The following FERMT3 variants were observed in gnomAD, a reference collection of about 807,000 sequenced individuals.
FERMT3 encodes fermitin family homolog 3.
A neutral mutation model predicts 80.8 loss-of-function variants in FERMT3; 33 were observed. That is an observed-to-expected ratio of 0.41 (90% CI 0.31 to 0.55). FERMT3 has a LOEUF of 0.55. Among genes scored for constraint, FERMT3 ranks in the 20% least tolerant of loss-of-function variants. The pLI is 0.31. For missense variants in FERMT3, 754 were observed against 908.7 expected (o/e 0.83, Z 2.19); for synonymous variants, 375 against 372.2 (o/e 1.01, Z -0.09).
At chr11:64,216,266 G>A (rs1233477215) in intron 6 of FERMT3, among the ~76,000 whole-genome samples, 3 of 147,748 alleles carry the variant, frequency 2.0e-5, no homozygotes, top group Non-Finnish European at 4.5e-5. Context: ...GCAAGATCTC[G>A]GCTCACTGCA....
chr11:64,211,328 C>A lies in FERMT3; in HGVS notation c.568C>A (p.Gln190Lys). ...GMPAHFSDSAQTEACYHMLSR... is the reference protein window; with the variant it reads ...GMPAHFSDSAKTEACYHMLSR... ...GCCAGCTCACTTCTCGGACAGCGCC[C>A]AGACTGAGGCCTGCTACCACATGCT... Residue 190 changes from glutamine (Q) to lysine (K), a missense_variant, in exon 5 of 15, where the codon CAG becomes AAG. Gln to Lys is a moderately conservative substitution (Grantham distance 53). Coordinates refer to ENST00000345728, the MANE Select transcript of FERMT3 (RefSeq NM_031471.6). This position sits in a 1 kb window ranked among gnomAD's most constrained non-coding sequence, Gnocchi z 4.7. The A allele has an allele frequency of 1.2e-6, 2 of 1,613,258 alleles. No individual in the cohort carries two copies. Among genetic ancestry groups the A allele is most frequent in the Non-Finnish European group, 1.7e-6 (2 of 1,179,846 alleles).
chr11:64,208,578 G>T (rs1470472851), intron 2 of FERMT3, among the ~76,000 whole-genome samples: 1 of 152,240 alleles, frequency 6.6e-6, no homozygotes, highest in South Asian at 2.1e-4. Context: ...AGCAGCAGCG[G>T]GTGAGACTGA....
rs376021574 is a variant in FERMT3 at position 64,211,602 on chromosome 11, C to T, written c.684-43C>T. The T allele has an allele frequency of 2.0e-4, 318 of 1,601,652 alleles. 3 individuals are homozygous for T. The South Asian group carries it at 2.1e-3, about 11-fold the overall frequency. On this transcript the variant is annotated intron_variant, in intron 5 of 14. Coordinates refer to ENST00000345728, the MANE Select transcript of FERMT3 (RefSeq NM_031471.6). This position sits in a 1 kb window ranked among gnomAD's most constrained non-coding sequence, Gnocchi z 4.7. ...CCAGCCCCCCTCCCCACCCCACGGC[C>T]GTACCTGGCGCAGCCCTGACTGCTG...
In FERMT3 at chr11:64,219,969, C is replaced by A; in HGVS notation, c.1158C>A (p.Ser386Arg). 1 of 1,613,850 alleles carries A rather than the reference C, an allele frequency of 6.2e-7. No homozygotes were observed. Among genetic ancestry groups the A allele is most frequent in the Non-Finnish European group, 8.5e-7 (1 of 1,180,002 alleles). The change falls in exon 10 of 15, where the codon AGC becomes AGA. Residue 386 changes from serine to arginine, a missense_variant. By Grantham distance (110) the Ser-to-Arg change is moderately radical. Transcript: ENST00000345728. This position sits in a 1 kb window ranked among gnomAD's most constrained non-coding sequence, Gnocchi z 4.0. ...FKETTLSYYKSQDEAPGDPIQ... is the reference protein window; with the variant it reads ...FKETTLSYYKRQDEAPGDPIQ... The stretch of plus-strand genomic sequence containing the variant: ...AGACCACACTGTCCTACTACAAGAG[C>A]CAGGACGAGGCCCCTGGGGACCCCA...
chr11:64,218,645 A>G (rs1337373079), intron 6 of FERMT3, among the ~76,000 whole-genome samples: 31 of 152,140 alleles, frequency 2.0e-4, no homozygotes, highest in Admixed American at 2.0e-3. Context: ...AACCTTTGCT[A>G]TCAATTTTGG....
chr11:64,206,732 AAG>A lies in FERMT3; in HGVS notation c.-93_-92del, dbSNP rs1288506544. ...AAGGGCTGCCCTGAAGGAAGCTCCA[AAG>A]AGAAAGGAGGGCAGGAAGCCCACGG... On this transcript the variant is annotated 5_prime_UTR_variant, in exon 1 of 15. Coordinates refer to ENST00000345728, the MANE Select transcript of FERMT3 (RefSeq NM_031471.6). 3 of 153,056 alleles carry A rather than the reference AAG, an allele frequency of 2.0e-5. No individual in the cohort carries two copies. Among genetic ancestry groups the A allele is most frequent in the Admixed American group, 6.5e-5 (1 of 15,310 alleles). 9.5% of individuals were successfully genotyped at this position (153,056 alleles called of 1,614,324 possible).
At position 64,219,621 on chromosome 11, in the gene FERMT3, A is replaced by C. The variant is rs1591038431; in HGVS notation, c.992A>C (p.Glu331Ala). 1.9e-6 allele frequency: 3 copies of C among 1,613,078 alleles called. No homozygotes were observed. Among genetic ancestry groups the C allele is most frequent in the Admixed American group, 1.7e-5 (1 of 59,998 alleles). ...DDLDVALSNL[E>A]VKLEGSAPTD... ...CTGGATGTGGCCCTGAGCAACCTGG[A>C]GGTGAAGCTGGAGGGGTCGGCGCCC... The change falls in exon 8 of 15, where the codon GAG (glutamate) becomes GCG (alanine). Residue 331 changes from glutamate to alanine, a missense_variant. Coordinates refer to ENST00000345728, the MANE Select transcript of FERMT3 (RefSeq NM_031471.6). This position sits in a 1 kb window ranked among gnomAD's most constrained non-coding sequence, Gnocchi z 4.0.
chr11:64,221,515 C>G (rs1325848775), intron 13 of FERMT3, among the ~76,000 whole-genome samples: 1 of 152,120 alleles, frequency 6.6e-6, no homozygotes, highest in East Asian at 1.9e-4. Flanking sequence ...ACCTGTAGTC[C>G]AGCTACTCAG....
In FERMT3 at chr11:64,211,405, G is replaced by C. The variant is rs763234188; in HGVS notation, c.645G>C (p.Arg215=). The change falls in exon 5 of 15, where the codon CGG becomes CGC. Residue 215 remains arginine (R), a synonymous_variant. Coordinates refer to ENST00000345728, the MANE Select transcript of FERMT3 (RefSeq NM_031471.6). The surrounding 1 kb of genome is among the most constrained non-coding windows in gnomAD (Gnocchi z 4.7). ...CCCTCCTGCTCCAGCGTCTGCCACG[G>C]CCCAGCTCCCTGTCAGACAAGACCC... ...PDPLLLQRLP[R]PSSLSDKTQL... 8 of 1,603,006 alleles carry C rather than the reference G, an allele frequency of 5.0e-6. No homozygotes were observed. Among genetic ancestry groups the C allele is most frequent in the Non-Finnish European group, 6.0e-6 (7 of 1,176,364 alleles).
chr11:64,222,826 G>C (rs1946739620), intron 13 of FERMT3, among the ~76,000 whole-genome samples: 1 of 152,230 alleles, frequency 6.6e-6, no homozygotes. Context: ...TGGCCTGTTT[G>C]CCCGATGCTG....
chr11:64,214,548 T>C (rs1946511534), intron 6 of FERMT3, among the ~76,000 whole-genome samples: 1 of 151,968 alleles, frequency 6.6e-6, no homozygotes, highest in Non-Finnish European at 1.5e-5. Context: ...GGTTTCACCA[T>C]GTTGGTCAGG....
rs746510133 is a variant in FERMT3, at chr11:64,219,964, A to G, written c.1153A>G (p.Lys385Glu). 1.2e-6 allele frequency: 2 copies of G among 1,613,746 alleles called. No individual in the cohort carries two copies. The highest frequency in any genetic ancestry group is 1.1e-5 in the South Asian group (1 of 91,078). ...VFKETTLSYY[K>E]SQDEAPGDPI... Reference sequence around the variant, plus strand: ...CAAGGAGACCACACTGTCCTACTACAAGAGCCAGGACGAGGCCCCTGGGGA... The same window carrying G: ...CAAGGAGACCACACTGTCCTACTACGAGAGCCAGGACGAGGCCCCTGGGGA... Residue 385 changes from lysine (K) to glutamate (E), a missense_variant, in exon 10 of 15, where the codon AAG (lysine) becomes GAG (glutamate). Coordinates refer to ENST00000345728, the MANE Select transcript of FERMT3 (RefSeq NM_031471.6). The surrounding 1 kb of genome is among the most constrained non-coding windows in gnomAD (Gnocchi z 4.0).
rs1303226802 is a variant in FERMT3 at position 64,219,254 on chromosome 11, G to C, written c.790G>C (p.Asp264His). 1 of 1,591,890 alleles carries C rather than the reference G, an allele frequency of 6.3e-7. No homozygotes were observed. Among genetic ancestry groups the C allele is most frequent in the Admixed American group, 1.8e-5 (1 of 56,762 alleles). The change falls in exon 7 of 15, where the codon GAC becomes CAC. Residue 264 changes from aspartate to histidine, a missense_variant. Asp to His is a moderately conservative substitution (Grantham distance 81). Coordinates refer to ENST00000345728, the MANE Select transcript of FERMT3 (RefSeq NM_031471.6). The surrounding 1 kb of genome is among the most constrained non-coding windows in gnomAD (Gnocchi z 4.0). ...GCCTCCTCTCCCCCCGCTCCAGACA[G>C]ACCCCGTGCGGCTGACACAGCTGTA... Reference protein sequence around the residue: ...YSFFDLDPKTDPVRLTQLYEQ... With the variant: ...YSFFDLDPKTHPVRLTQLYEQ...
rs1344591810 is a variant in FERMT3 at position 64,220,684 on chromosome 11, C to A, written c.1545+15C>A. On this transcript the variant is annotated intron_variant, in intron 12 of 14. Transcript: ENST00000345728. ...AGGCCAAGCAGGTACCAGAAGGCGTCAGGGTGGGAATGAGCATAGTGTTTA... is the reference window on the plus strand; with the variant it reads ...AGGCCAAGCAGGTACCAGAAGGCGTAAGGGTGGGAATGAGCATAGTGTTTA... 5 of 1,600,340 alleles carry A rather than the reference C, an allele frequency of 3.1e-6. No homozygotes were observed. The highest frequency in any genetic ancestry group is 1.7e-5 in the Admixed American group (1 of 58,640).
At chr11:64,212,139 C>T (rs1946456222) in intron 6 of FERMT3, among the ~76,000 whole-genome samples, 1 of 152,142 alleles carries the variant, frequency 6.6e-6, no homozygotes, top group African/African-American at 2.4e-5. Context: ...GAGGGGGCAC[C>T]ATTAGGGACT....
chr11:64,208,660 T>C (rs542700144), intron 2 of FERMT3, among the ~76,000 whole-genome samples: 12 of 152,118 alleles, frequency 7.9e-5, no homozygotes, highest in Non-Finnish European at 1.8e-4. Flanking sequence ...AGGAGGGGGC[T>C]GCCCCGAGCC....
At chr11:64,208,835 A>G (rs1429500976) in intron 2 of FERMT3, among the ~76,000 whole-genome samples, 1 of 152,110 alleles carries the variant, frequency 6.6e-6, no homozygotes, top group Admixed American at 6.5e-5. Flanking sequence ...CCAGCTCTGC[A>G]TGGCCCCGAA....
Position 64,223,135 on chromosome 11 carries a change from G to A in FERMT3, c.1758G>A (p.Lys586=). 6.2e-7 allele frequency: 1 copy of A among 1,613,978 alleles called. No individual in the cohort carries two copies. The highest frequency in any genetic ancestry group is 8.5e-7 in the Non-Finnish European group (1 of 1,180,050). The stretch of plus-strand genomic sequence containing the variant: ...ACTTGGCCGTGGGCGACGTGGTCAA[G>A]ACCTGGCGTTTCAGCAACATGCGCC... ...RIDLAVGDVV[K]TWRFSNMRQW... Residue 586 remains lysine (K), a synonymous_variant, in exon 14 of 15, where the codon AAG becomes AAA. Coordinates refer to ENST00000345728, the MANE Select transcript of FERMT3 (RefSeq NM_031471.6).
At position 64,207,331 on chromosome 11, in the gene FERMT3, T is replaced by A. The variant is rs774681649; in HGVS notation, c.-14-20T>A. ...CCTACCAGGGCCTGCCCACCTTGCC[T>A]CCTTCCACACTCTCTGTAGCAGCAG... On this transcript the variant is annotated intron_variant, in intron 1 of 14. Transcript: ENST00000345728. 1 of 1,613,866 alleles carries A rather than the reference T, an allele frequency of 6.2e-7. No individual in the cohort carries two copies. The highest frequency in any genetic ancestry group is 8.5e-7 in the Non-Finnish European group (1 of 1,179,882).
Sources: gnomAD v4.1 joint callset for allele counts (sites outside exome capture counted in the v4.1 genomes callset) on GRCh38, gnomAD v4.1.1 for gene constraint, Gnocchi (gnomAD v3.1) non-coding constraint, MANE v1.5 for transcripts, NCBI Gene and HGNC (gene_info 2026-07-23, HGNC 2026-07-21) for gene names.